OCA2: variants seen among roughly 807,000 people sequenced by gnomAD.
OCA2 encodes the protein OCA2 melanosomal transmembrane protein.
In OCA2, 77 loss-of-function variants were observed where a neutral mutation model predicts 100.2. The ratio of observed to expected loss-of-function variants is 0.77; its 90% CI spans 0.64 to 0.93. The LOEUF (loss-of-function observed/expected upper bound fraction) is 0.93, where lower values mean the gene tolerates loss of function less well. Ranked by LOEUF, OCA2 falls within the 40% of genes least tolerant of loss-of-function variation. OCA2 has a pLI of 0.00. For missense variants in OCA2, 1,062 were observed against 1,089.1 expected (o/e 0.98, Z 0.35); for synonymous variants, 432 against 439.2 (o/e 0.98, Z 0.21).
chr15:27,727,741 T>C, the OCA2 span, among the ~76,000 whole-genome samples: 17 of 152,166 alleles, frequency 1.1e-4, no homozygotes. Flanking sequence ...TGGCCTGCCA[T>C]GAAGGCCACA....
intron 23 of OCA2, among the ~76,000 whole-genome samples, chr15:27,777,685 G>A (rs2032313951): frequency 6.6e-6 from 1 of 152,210 alleles, no homozygotes; most frequent in Non-Finnish European, 1.5e-5. Context: ...TGGCAGTCAA[G>A]CTCGAAACTC....
intron 2 of OCA2, among the ~76,000 whole-genome samples, chr15:28,061,760 G>A (rs2043880871): frequency 6.6e-6 from 1 of 152,190 alleles, no homozygotes; most frequent in African/African-American, 2.4e-5. Context: ...ATGGCATTTT[G>A]TTACAGTAGC....
the OCA2 span, among the ~76,000 whole-genome samples, chr15:27,728,231 A>C: frequency 3.3e-5 from 5 of 152,194 alleles, no homozygotes; most frequent in Admixed American, 6.5e-5. Flanking sequence ...TTTTGTTTCC[A>C]AAATACAATG....
intron 3 of OCA2, among the ~76,000 whole-genome samples, chr15:28,029,114 C>T (rs10519626): frequency 0.099 from 14,996 of 152,208 alleles, 2,349 homozygotes; most frequent in African/African-American, 0.33. Flanking sequence ...GCTCACAATA[C>T]TGACGTTAAC....
intron 18 of OCA2, among the ~76,000 whole-genome samples, chr15:27,929,711 T>C (rs74008209): frequency 1.6e-4 from 25 of 151,966 alleles, no homozygotes; most frequent in African/African-American, 6.0e-4. Context: ...TGCCACAAAC[T>C]GGGAGAAAAT....
intron 1 of OCA2, among the ~76,000 whole-genome samples, chr15:28,097,197 C>T (rs1305968427): frequency 6.6e-6 from 1 of 152,238 alleles, no homozygotes; most frequent in Non-Finnish European, 1.5e-5. Context: ...CCAGCCACAC[C>T]TCCCCACGGG....
At chr15:27,765,527 G>C (rs2151008922) in intron 23 of OCA2, among the ~76,000 whole-genome samples, 1 of 152,258 alleles carries the variant, frequency 6.6e-6, no homozygotes, top group Middle Eastern at 3.4e-3. Flanking sequence ...AGGTTTTCAG[G>C]ATTCAAGTCT....
chr15:27,782,138 T>C (rs2032575837), intron 23 of OCA2, among the ~76,000 whole-genome samples: 1 of 152,252 alleles, frequency 6.6e-6, no homozygotes, highest in South Asian at 2.1e-4. Context: ...TTTCTAAATG[T>C]TCGTATGTAT....
intron 23 of OCA2, among the ~76,000 whole-genome samples, chr15:27,761,836 T>C (rs1418729568): frequency 6.6e-6 from 1 of 152,170 alleles, no homozygotes; most frequent in Non-Finnish European, 1.5e-5. Context: ...CAACTTATTT[T>C]TTTTAAGATA....
intron 18 of OCA2, 116 bp from the exon 19 acceptor site, chr15:27,926,370 C>T (rs1326534068): frequency 2.7e-6 from 3 of 1,094,630 alleles, no homozygotes; most frequent in African/African-American, 1.6e-5. Context: ...CTACAAACCG[C>T]ATATATGTAA....
At chr15:27,992,475 T>G (rs2041588902) in intron 9 of OCA2, among the ~76,000 whole-genome samples, 1 of 152,202 alleles carries the variant, frequency 6.6e-6, no homozygotes, top group South Asian at 2.1e-4. Flanking sequence ...GGGCAGGCAT[T>G]CATCCCCAAC....
chr15:28,038,656 G>GA (rs1039371717), intron 2 of OCA2, among the ~76,000 whole-genome samples: 2 of 152,128 alleles, frequency 1.3e-5, no homozygotes, highest in African/African-American at 2.4e-5. Flanking sequence ...CTGAAAAACC[G>GA]AAAAAAACAC....
chr15:27,889,821 G>A (rs2037381941), intron 19 of OCA2, among the ~76,000 whole-genome samples: 1 of 152,194 alleles, frequency 6.6e-6, no homozygotes, highest in South Asian at 2.1e-4. Context: ...ACAGCATCAA[G>A]GTGTGAAGAA....
chr15:27,764,026 A>T (rs1056258388), intron 23 of OCA2, among the ~76,000 whole-genome samples: 1 of 151,232 alleles, frequency 6.6e-6, no homozygotes, highest in African/African-American at 2.4e-5. Context: ...AGAGAGACAG[A>T]GAGAGAGGTA....
chr15:27,822,459 A>T (rs930464180), intron 23 of OCA2, among the ~76,000 whole-genome samples: 1 of 152,190 alleles, frequency 6.6e-6, no homozygotes, highest in African/African-American at 2.4e-5. Flanking sequence ...AGTGAGACTG[A>T]GGGTTCATGC....
At chr15:27,831,472 G>A (rs1245004307) in intron 23 of OCA2, among the ~76,000 whole-genome samples, 1 of 152,182 alleles carries the variant, frequency 6.6e-6, no homozygotes, top group Non-Finnish European at 1.5e-5. Context: ...TGCCGCGCAC[G>A]TAACCCGATT....
At chr15:27,868,630 G>A (rs925598796) in intron 21 of OCA2, among the ~76,000 whole-genome samples, 7 of 152,108 alleles carry the variant, frequency 4.6e-5, no homozygotes, top group African/African-American at 1.7e-4. Context: ...TACATTCCAG[G>A]GGCCGTGGTA....
chr15:27,979,868 G>GTTTTTTTT (rs35266057), intron 14 of OCA2, among the ~76,000 whole-genome samples: 4 of 108,026 alleles, frequency 3.7e-5, no homozygotes, highest in African/African-American at 3.5e-5. Context: ...CCCAGCTAGT[G>GTTTTTTTT]TTTTTTTTTT....
intron 19 of OCA2, chr15:27,896,496 A>C (rs2037694830): frequency 1.8e-6 from 1 of 563,136 alleles, no homozygotes; most frequent in Non-Finnish European, 3.2e-6. Context: ...GAACTGTCCC[A>C]AAATGTCCCT....
Sources: gnomAD v4.1 joint callset for allele counts (sites outside exome capture counted in the v4.1 genomes callset) on GRCh38, gnomAD v4.1.1 for gene constraint, MANE v1.5 for transcripts, NCBI Gene and HGNC (gene_info 2026-07-23, HGNC 2026-07-21) for gene names.